Variants in PIBF1 observed in about 807,000 individuals in gnomAD.
PIBF1 encodes progesterone-induced-blocking factor 1.
A neutral mutation model predicts 112.5 loss-of-function variants in PIBF1; 90 were observed. The ratio of observed to expected loss-of-function variants is 0.80; its 90% CI spans 0.67 to 0.95. The LOEUF is 0.95. PIBF1 is among the 40% of genes least tolerant of loss of function. The pLI is 0.00. For missense variants in PIBF1, 915 were observed against 852.3 expected (o/e 1.07, Z -0.92); for synonymous variants, 301 against 288.6 (o/e 1.04, Z -0.44).
intron 9 of PIBF1, among the ~76,000 whole-genome samples, chr13:72,844,415 A>T (rs369477364): frequency 2.6e-5 from 4 of 152,056 alleles, no homozygotes; most frequent in East Asian, 3.9e-4. Context: ...AGGTATACAC[A>T]TGCCATGGTG....
chr13:72,844,770 C>T (rs1249438190), intron 9 of PIBF1, among the ~76,000 whole-genome samples: 5 of 107,962 alleles, frequency 4.6e-5, no homozygotes, highest in African/African-American at 1.4e-4. Context: ...CACACACACA[C>T]ACACACACAC....
intron 9 of PIBF1, among the ~76,000 whole-genome samples, chr13:72,853,077 ACTAT>A (rs759800144): frequency 2.4e-4 from 36 of 151,784 alleles, no homozygotes; most frequent in South Asian, 4.2e-4. Flanking sequence ...AAAATAGGTG[ACTAT>A]CTGAAAGAAA....
intron 11 of PIBF1, among the ~76,000 whole-genome samples, chr13:72,906,645 T>C (rs561297417): frequency 6.6e-6 from 1 of 152,320 alleles, no homozygotes; most frequent in Admixed American, 6.5e-5. Context: ...TCAGTAGTTT[T>C]TCAGGACCTC....
At chr13:72,944,150 G>A (rs917178021) in intron 14 of PIBF1, among the ~76,000 whole-genome samples, 1 of 152,034 alleles carries the variant, frequency 6.6e-6, no homozygotes, top group African/African-American at 2.4e-5. Context: ...TGCCTATATA[G>A]GAGTATTCAG....
At chr13:73,008,160 G>C (rs146149244) in intron 17 of PIBF1, among the ~76,000 whole-genome samples, 1 of 152,274 alleles carries the variant, frequency 6.6e-6, no homozygotes, top group Non-Finnish European at 1.5e-5. Flanking sequence ...CTGAATTTCA[G>C]AGAATAATAT....
intron 14 of PIBF1, among the ~76,000 whole-genome samples, chr13:72,939,777 T>C (rs1279147141): frequency 6.6e-6 from 1 of 152,120 alleles, no homozygotes; most frequent in East Asian, 1.9e-4. Flanking sequence ...TCACCTTTGT[T>C]TTTTAGAAAG....
intron 11 of PIBF1, among the ~76,000 whole-genome samples, chr13:72,902,243 G>A (rs962849247): frequency 1.3e-5 from 2 of 152,038 alleles, no homozygotes; most frequent in African/African-American, 4.8e-5. Flanking sequence ...GGGAAGAGTG[G>A]AACAGGGAAA....
rs370187372 is a variant in PIBF1 at position 72,881,440 on chromosome 13, G to A, written c.1323-12344G>A. ...CTAGGAATTAAACAAAGAAGTGGCCGGGTGCAGTGGCTCATGCCTGTAATC... is the reference window on the plus strand; with the variant it reads ...CTAGGAATTAAACAAAGAAGTGGCCAGGTGCAGTGGCTCATGCCTGTAATC... On this transcript the variant is annotated intron_variant, in intron 10 of 17. Transcript: ENST00000326291. 7.2e-5 allele frequency among the ~76,000 whole-genome samples: 11 copies of A among 152,242 alleles called. No individual in the cohort carries two copies. In the South Asian group the frequency reaches 1.0e-3, roughly 14 times the overall value.
chr13:72,906,503 G>T (rs1160048904), intron 11 of PIBF1, among the ~76,000 whole-genome samples: 1 of 151,822 alleles, frequency 6.6e-6, no homozygotes, highest in Non-Finnish European at 1.5e-5. Flanking sequence ...CCTACCATGG[G>T]TCCAACAGTC....
chr13:72,863,653 G>A (rs1206090299), intron 10 of PIBF1, among the ~76,000 whole-genome samples: 2 of 132,660 alleles, frequency 1.5e-5, no homozygotes, highest in African/African-American at 2.8e-5. Context: ...GTGAGACTCC[G>A]TCTCAAAAAA....
intron 10 of PIBF1, among the ~76,000 whole-genome samples, chr13:72,857,711 G>A (rs1343537126): frequency 1.3e-5 from 2 of 152,032 alleles, no homozygotes; most frequent in African/African-American, 2.4e-5. Context: ...ATAGTGGCAC[G>A]TGCCTGTAAT....
chr13:72,872,891 G>A (rs2039224583), intron 10 of PIBF1, among the ~76,000 whole-genome samples: 1 of 152,016 alleles, frequency 6.6e-6, no homozygotes, highest in Non-Finnish European at 1.5e-5. Context: ...AAAATATGAA[G>A]CAAGTACAGG....
intron 17 of PIBF1, among the ~76,000 whole-genome samples, chr13:73,009,932 G>A (rs1211533603): frequency 6.6e-6 from 1 of 152,142 alleles, no homozygotes; most frequent in Non-Finnish European, 1.5e-5. Flanking sequence ...TCCTTTTTGA[G>A]TATTAAGATT....
At chr13:72,965,486 T>A in intron 15 of PIBF1, 82 bp downstream of exon 15, 1 of 1,117,904 alleles carries the variant, frequency 8.9e-7, no homozygotes, top group Non-Finnish European at 1.3e-6. Flanking sequence ...GGGTTGTAAA[T>A]CATGAACAGA....
At chr13:72,900,946 C>T (rs1253190602) in intron 11 of PIBF1, 5 of 289,324 alleles carry the variant, frequency 1.7e-5, no homozygotes, top group African/African-American at 4.6e-5. Context: ...CTCTTGAACC[C>T]GGGAGGCGTA....
At chr13:72,925,297 C>G (rs1277322624) in intron 13 of PIBF1, among the ~76,000 whole-genome samples, 1 of 151,986 alleles carries the variant, frequency 6.6e-6, no homozygotes, top group South Asian at 2.1e-4. Flanking sequence ...AGCAAAACTT[C>G]CAAAGATTGA....
At chr13:72,995,456 A>G (rs1453454065) in intron 16 of PIBF1, among the ~76,000 whole-genome samples, 1 of 152,222 alleles carries the variant, frequency 6.6e-6, no homozygotes, top group African/African-American at 2.4e-5. Flanking sequence ...GACTGTAGAA[A>G]CAGAGTTTTA....
chr13:72,910,251 A>G (rs930162359), intron 12 of PIBF1, among the ~76,000 whole-genome samples: 94 of 152,318 alleles, frequency 6.2e-4, no homozygotes, highest in Admixed American at 6.1e-3. Context: ...TCTTTGTAAC[A>G]TTCAAATTTT....
At chr13:72,816,331 T>A (rs1276891139) in intron 5 of PIBF1, among the ~76,000 whole-genome samples, 2 of 152,184 alleles carry the variant, frequency 1.3e-5, no homozygotes, top group Non-Finnish European at 2.9e-5. Flanking sequence ...CCACATGTGA[T>A]GAAAGTTACC....
Sources: allele counts gnomAD v4.1 joint callset (sites outside exome capture counted in the v4.1 genomes callset), GRCh38; gene constraint gnomAD v4.1.1; transcripts MANE v1.5; gene names NCBI Gene and HGNC (gene_info 2026-07-23, HGNC 2026-07-21).